GSAP: variants seen among roughly 807,000 people sequenced by gnomAD.
GSAP encodes the protein gamma-secretase-activating protein.
In GSAP, 118 loss-of-function variants were observed where a neutral mutation model predicts 131.7. That is an observed-to-expected ratio of 0.90 (90% CI 0.77 to 1.04). The LOEUF (loss-of-function observed/expected upper bound fraction) is 1.04. Among genes scored for constraint, GSAP ranks in the 50% least tolerant of loss-of-function variants. The pLI is 0.00. For missense variants in GSAP, 1,019 were observed against 1,013.2 expected (o/e 1.01, Z -0.08); for synonymous variants, 381 against 363.4 (o/e 1.05, Z -0.55).
intron 13 of GSAP, among the ~76,000 whole-genome samples, chr7:77,361,108 T>C (rs1407261093): frequency 6.6e-6 from 1 of 152,246 alleles, no homozygotes; most frequent in Non-Finnish European, 1.5e-5. Context: ...CTCCAGTAGT[T>C]GCTCTGGGCT....
intron 19 of GSAP, among the ~76,000 whole-genome samples, chr7:77,332,496 G>T (rs555945789): frequency 1.1e-4 from 16 of 152,224 alleles, no homozygotes; most frequent in African/African-American, 3.9e-4. Context: ...ACATGTCAGT[G>T]GACAGGCTTT....
At chr7:77,363,438 T>C (rs1316148638) in intron 12 of GSAP, among the ~76,000 whole-genome samples, 5 of 152,196 alleles carry the variant, frequency 3.3e-5, no homozygotes, top group Non-Finnish European at 4.4e-5. Flanking sequence ...AAATAGGAGA[T>C]TGACAGGTAG....
chr7:77,396,064 C>G (rs983138507), intron 5 of GSAP, among the ~76,000 whole-genome samples: 1 of 152,156 alleles, frequency 6.6e-6, no homozygotes, highest in African/African-American at 2.4e-5. Context: ...TCCAGACTTC[C>G]CTTGATAAAT....
chr7:77,355,161 T>A, intron 16 of GSAP, 52 bp downstream of exon 16: 1 of 1,136,000 alleles, frequency 8.8e-7, no homozygotes. Flanking sequence ...ACAAAATAAA[T>A]ATGTTCAGTG....
Position 77,397,020 on chromosome 7 carries a change from T to C in GSAP, c.329A>G (p.Gln110Arg). 1 of 1,599,734 alleles carries C rather than the reference T, an allele frequency of 6.3e-7. No homozygotes were observed. Residue 110 changes from glutamine to arginine, a missense_variant, in exon 5 of 31, where the codon CAG (glutamine) becomes CGG (arginine). Gln to Arg is a conservative substitution (Grantham distance 43, BLOSUM62 1). Transcript: ENST00000257626. ...GTTCCTTTTTCCTTCTTTAGTAGAC[T>C]GAACTAAACTTGCAGCTAATGGAAA... ...ERTLLAASLVQSTKEGKRNEL... is the reference protein window; with the variant it reads ...ERTLLAASLVRSTKEGKRNEL...
At chr7:77,339,897 G>A (rs1055430356) in intron 19 of GSAP, among the ~76,000 whole-genome samples, 1 of 152,138 alleles carries the variant, frequency 6.6e-6, no homozygotes, top group African/African-American at 2.4e-5. Context: ...ATAGTAAAAC[G>A]GGTAAACTCA....
chr7:77,314,320 G>A, intron 27 of GSAP, 50 bp downstream of exon 27: 1 of 1,605,352 alleles, frequency 6.2e-7, no homozygotes, highest in Non-Finnish European at 8.5e-7. Flanking sequence ...AGCTAGCCTT[G>A]GTGGTGCTCA....
At chr7:77,355,787 G>GCTTTTTTTTT (rs1793605342) in intron 14 of GSAP, 140 bp from the exon 15 acceptor site, 1 of 274,572 alleles carries the variant, frequency 3.6e-6, no homozygotes, top group African/African-American at 3.3e-5. Context: ...ATGACAGCCC[G>GCTTTTTTTTT]TTTTTTTTTT....
intron 22 of GSAP, among the ~76,000 whole-genome samples, chr7:77,327,637 C>G (rs115462415): frequency 3.3e-4 from 51 of 152,264 alleles, no homozygotes; most frequent in African/African-American, 1.2e-3. Context: ...AAAACAAAAG[C>G]TTATTTAATG....
At chr7:77,338,639 G>A (rs1250396709) in intron 19 of GSAP, among the ~76,000 whole-genome samples, 4 of 152,112 alleles carry the variant, frequency 2.6e-5, no homozygotes, top group Non-Finnish European at 2.9e-5. Context: ...CTCATGTGGC[G>A]GGAGGGCAAG....
chr7:77,349,962 C>A (rs1346056496), intron 18 of GSAP, among the ~76,000 whole-genome samples: 1 of 152,088 alleles, frequency 6.6e-6, no homozygotes, highest in Admixed American at 6.5e-5. Flanking sequence ...TATAAAGACA[C>A]ATGCACACGT....
At chr7:77,314,598 TG>T (rs1794769752) in intron 26 of GSAP, 109 bp from the exon 27 acceptor site, 2 of 1,151,896 alleles carry the variant, frequency 1.7e-6, no homozygotes, top group Non-Finnish European at 2.5e-6. Flanking sequence ...GCTTGGTGCC[TG>T]GAACCAACTG....
chr7:77,314,643 CTG>C, intron 26 of GSAP, 154 bp from the exon 27 acceptor site: 7 of 715,588 alleles, frequency 9.8e-6, no homozygotes, highest in Non-Finnish European at 1.6e-5. Context: ...GTTTCCTTCT[CTG>C]TATTATTCGT....
intron 6 of GSAP, among the ~76,000 whole-genome samples, chr7:77,382,871 A>C (rs933788106): frequency 2.6e-5 from 4 of 152,092 alleles, no homozygotes; most frequent in Admixed American, 6.6e-5. Context: ...CAAATACAAC[A>C]CTATCTTCAC....
chr7:77,351,506 T>A (rs1265269858), intron 18 of GSAP: 1 of 979,722 alleles, frequency 1.0e-6, no homozygotes, highest in African/African-American at 1.8e-5. Flanking sequence ...TGATAGATTT[T>A]CAAGATTAGA....
At chr7:77,319,836 T>C (rs1787383693) in intron 26 of GSAP, among the ~76,000 whole-genome samples, 1 of 152,258 alleles carries the variant, frequency 6.6e-6, no homozygotes, top group African/African-American at 2.4e-5. Context: ...GTAGTCAAAC[T>C]CATAGACACA....
chr7:77,378,447 G>A (rs1797294615), intron 8 of GSAP, among the ~76,000 whole-genome samples: 1 of 151,658 alleles, frequency 6.6e-6, no homozygotes, highest in Non-Finnish European at 1.5e-5. Flanking sequence ...TCCCACCACT[G>A]CACTCCAGCC....
In GSAP at chr7:77,314,484, GA is replaced by G; in HGVS notation, c.2094del (p.His699IlefsTer34). ...ACCCCGAGGATGGTGTGCAGAGTAT[GA>G]AAACCTAGGATGAGAGATCTGGAGG... is the stretch of plus-strand genomic sequence containing the variant. ...NSLFLPLPPG[F>X]HTLHTILGVQ... On this transcript the variant is annotated frameshift_variant, in exon 27 of 31. Transcript: ENST00000257626. LOFTEE classifies it high-confidence loss of function. 6.2e-7 allele frequency: 1 copy of G among 1,613,632 alleles called. No homozygotes were observed. Among genetic ancestry groups the G allele is most frequent in the Non-Finnish European group, 8.5e-7 (1 of 1,179,710 alleles).
intron 19 of GSAP, among the ~76,000 whole-genome samples, chr7:77,345,223 C>T (rs775814348): frequency 3.1e-4 from 47 of 152,256 alleles, no homozygotes; most frequent in Non-Finnish European, 5.9e-4. Context: ...TCATTCTATA[C>T]GACAAATGCT....
Sources: allele counts gnomAD v4.1 joint callset (sites outside exome capture counted in the v4.1 genomes callset), GRCh38; gene constraint gnomAD v4.1.1; transcripts MANE v1.5; gene names NCBI Gene and HGNC (gene_info 2026-07-23, HGNC 2026-07-21).